The following FGF14 variants were observed in gnomAD, a reference collection of about 807,000 sequenced individuals.
The protein encoded by FGF14 is fibroblast growth factor homologous factor 4.
A neutral mutation model predicts 25.5 loss-of-function variants in FGF14; 5 were observed. The ratio of observed to expected loss-of-function variants is 0.20; its 90% confidence interval spans 0.10 to 0.41. The LOEUF is 0.41. FGF14 is among the 10% of genes least tolerant of loss of function. The pLI is 1.00. For synonymous variants in FGF14, 138 were observed against 118.3 expected, an observed-to-expected ratio of 1.17 and a Z score of -1.08; for missense variants, 222 against 320.1, an observed-to-expected ratio of 0.69 and a Z score of 2.34.
At chr13:101,932,009 C>T (rs2034783410) in intron 1 of FGF14, among the ~76,000 whole-genome samples, 1 of 152,086 alleles carries the variant, frequency 6.6e-6, no homozygotes, top group Non-Finnish European at 1.5e-5. Flanking sequence ...AAGATCAATG[C>T]CAAATATTAA....
intron 1 of FGF14, among the ~76,000 whole-genome samples, chr13:101,903,005 G>C (rs1462571125): frequency 6.6e-6 from 1 of 152,118 alleles, no homozygotes; most frequent in Admixed American, 6.6e-5. Flanking sequence ...CAGTTTTCTA[G>C]TTCATCCAAT....
At chr13:102,201,280 C>T (rs1174888799) in intron 1 of FGF14, among the ~76,000 whole-genome samples, 2 of 151,856 alleles carry the variant, frequency 1.3e-5, no homozygotes, top group African/African-American at 4.8e-5. Flanking sequence ...GATTCTCCAA[C>T]ATGACAAGTA....
chr13:102,271,028 A>G (rs1247154427), intron 1 of FGF14, among the ~76,000 whole-genome samples: 1 of 152,242 alleles, frequency 6.6e-6, no homozygotes, highest in Non-Finnish European at 1.5e-5. Context: ...TGGTTTTAAA[A>G]GGACACAGTT....
intron 3 of FGF14, among the ~76,000 whole-genome samples, chr13:101,737,444 T>TG (rs2036263763): frequency 6.8e-6 from 1 of 146,868 alleles, no homozygotes; most frequent in African/African-American, 2.5e-5. Flanking sequence ...TGCAAAAAAA[T>TG]GAAGTATTTT....
intron 1 of FGF14, among the ~76,000 whole-genome samples, chr13:102,347,432 G>A (rs1594911619): frequency 6.6e-6 from 1 of 152,148 alleles, no homozygotes; most frequent in East Asian, 1.9e-4. Flanking sequence ...CCCCTGAGAT[G>A]GTGAGGTGGA....
intron 3 of FGF14, among the ~76,000 whole-genome samples, chr13:101,833,558 C>T (rs1013530733): frequency 6.6e-6 from 1 of 151,990 alleles, no homozygotes; most frequent in African/African-American, 2.4e-5. Flanking sequence ...TGCAAAGACA[C>T]AAGATGCCTA....
At chr13:101,944,822 G>A (rs965081063) in intron 1 of FGF14, among the ~76,000 whole-genome samples, 1 of 152,140 alleles carries the variant, frequency 6.6e-6, no homozygotes, top group African/African-American at 2.4e-5. Context: ...CCTTTATAAG[G>A]TACCTAACAT....
At chr13:102,093,040 C>A (rs1566675325) in intron 1 of FGF14, among the ~76,000 whole-genome samples, 5 of 152,050 alleles carry the variant, frequency 3.3e-5, no homozygotes, top group Admixed American at 1.3e-4. Context: ...GGTGTGGACA[C>A]ATATATATAC....
At chr13:101,734,010 AAGG>A (rs1281469642) in intron 3 of FGF14, among the ~76,000 whole-genome samples, 1 of 151,912 alleles carries the variant, frequency 6.6e-6, no homozygotes, top group Non-Finnish European at 1.5e-5. Flanking sequence ...AAATATACAT[AAGG>A]AGATGTCTGT....
At chr13:101,847,352 T>C (rs1411770410) in intron 3 of FGF14, among the ~76,000 whole-genome samples, 2 of 152,042 alleles carry the variant, frequency 1.3e-5, no homozygotes, top group Non-Finnish European at 2.9e-5. Flanking sequence ...TCAATCTGTG[T>C]CAACTCTGTC....
At chr13:101,802,046 A>T (rs192981286) in intron 3 of FGF14, 39 of 403,606 alleles carry the variant, frequency 9.7e-5, no homozygotes, top group Non-Finnish European at 1.6e-4. Context: ...TAGGAAAGAT[A>T]AGTATAAATC....
chr13:102,130,692 G>A (rs2046159087), intron 1 of FGF14, among the ~76,000 whole-genome samples: 1 of 152,134 alleles, frequency 6.6e-6, no homozygotes, highest in Admixed American at 6.5e-5. Flanking sequence ...TAAAAAGAGA[G>A]CGTACAAGGG....
intron 3 of FGF14, among the ~76,000 whole-genome samples, chr13:101,776,209 G>T (rs536171818): frequency 6.6e-6 from 1 of 152,296 alleles, no homozygotes; most frequent in Non-Finnish European, 1.5e-5. Flanking sequence ...CTCTCTGAGT[G>T]AAAGCTGGTT....
rs1430387370 is a variant in FGF14, at chr13:101,722,661, T to C, written c.*170A>G. ...CCAGGTGTCTTCTTGTTGTGGGGGG[T>C]GCAACAGGTTGAGATTTATCCACTT... On this transcript the variant is annotated 3_prime_UTR_variant, in exon 5 of 5. Coordinates refer to ENST00000376143, the MANE Select transcript of FGF14 (RefSeq NM_004115.4). 2 of 821,560 alleles carry C rather than the reference T, an allele frequency of 2.4e-6. No homozygotes were observed. The highest frequency in any genetic ancestry group is 1.7e-5 in the African/African-American group (1 of 58,938). The allele number at this position is 821,560 out of a possible 1,614,324, so 50.9% of individuals were successfully genotyped here.
At chr13:102,067,443 T>A (rs886308101) in intron 1 of FGF14, among the ~76,000 whole-genome samples, 2 of 151,906 alleles carry the variant, frequency 1.3e-5, no homozygotes, top group Non-Finnish European at 2.9e-5. Context: ...TAAAAATATA[T>A]TGAGCTTCCC....
intron 1 of FGF14, among the ~76,000 whole-genome samples, chr13:101,990,774 A>C (rs1018543029): frequency 4.6e-5 from 7 of 152,138 alleles, no homozygotes; most frequent in African/African-American, 1.7e-4. Flanking sequence ...ATAATCAGAG[A>C]AAAATGGCTT....
intron 1 of FGF14, among the ~76,000 whole-genome samples, chr13:102,071,413 G>A (rs1348518661): frequency 6.6e-6 from 1 of 152,134 alleles, no homozygotes; most frequent in Non-Finnish European, 1.5e-5. Context: ...CTCAATTTTA[G>A]ATTGATGACA....
intron 3 of FGF14, among the ~76,000 whole-genome samples, chr13:101,769,736 C>T (rs73568288): frequency 0.015 from 2,337 of 152,176 alleles, 77 homozygotes; most frequent in African/African-American, 0.053. Context: ...ATTCCAACTG[C>T]ATGACATACT....
intron 1 of FGF14, among the ~76,000 whole-genome samples, chr13:101,993,336 C>A (rs2139684141): frequency 6.6e-6 from 1 of 151,978 alleles, no homozygotes; most frequent in East Asian, 1.9e-4. Flanking sequence ...AGCTGCCTTG[C>A]AAGACATGTT....
Sources: gnomAD v4.1 joint callset for allele counts (sites outside exome capture counted in the v4.1 genomes callset) on GRCh38, gnomAD v4.1.1 for gene constraint, MANE v1.5 for transcripts, NCBI Gene and HGNC (gene_info 2026-07-23, HGNC 2026-07-21) for gene names.